LRRC14: variants seen among roughly 807,000 people sequenced by gnomAD.
LRRC14 encodes leucine rich repeat containing 14, also known as leucine-rich repeat-containing protein 14.
LRRC14 carries 16 observed loss-of-function variants against 25.3 expected under a neutral mutation model. The ratio of observed to expected loss-of-function variants is 0.63; its 90% confidence interval spans 0.43 to 0.96. The LOEUF (loss-of-function observed/expected upper bound fraction) is 0.96. Ranked by LOEUF, LRRC14 falls within the 40% of genes least tolerant of loss-of-function variation. The pLI, the probability that LRRC14 is intolerant of heterozygous loss-of-function variation, is 0.00. For missense variants in LRRC14, 594 were observed against 660.5 expected, an observed-to-expected ratio of 0.90 and a Z score of 1.10; for synonymous variants, 359 against 295.1, an observed-to-expected ratio of 1.22 and a Z score of -2.22.
Position 144,524,555 on chromosome 8 carries a change from G to C in LRRC14, c.*3077G>C. On this transcript the variant is annotated 3_prime_UTR_variant, in exon 4 of 4. Coordinates refer to ENST00000292524, the MANE Select transcript of LRRC14 (RefSeq NM_014665.4). ...CGCCGCTGCGCAAGCCGCGCAGCCG[G>C]TTGCTAGTGAGCGCCAGCTCCAGCA... is the stretch of plus-strand genomic sequence containing the variant. 5 of 1,576,022 alleles carry C rather than the reference G, an allele frequency of 3.2e-6. No individual in the cohort carries two copies. The highest frequency in any genetic ancestry group is 3.4e-6 in the Non-Finnish European group (4 of 1,169,398).
Position 144,521,324 on chromosome 8 carries a change from C to T in LRRC14, c.1328C>T (p.Pro443Leu). Residue 443 changes from proline to leucine, a missense_variant, in exon 4 of 4, where the codon CCT becomes CTT. Coordinates refer to ENST00000292524, the MANE Select transcript of LRRC14 (RefSeq NM_014665.4). The stretch of plus-strand genomic sequence containing the variant: ...TATGAGGGCTTGCCCTGGCCGCCGC[C>T]TGCCTCTGTCCTGCTGGAGGCCTCC... ...DCYEGLPWPP[P>L]ASVLLEASIN... The T allele has an allele frequency of 6.2e-7, 1 of 1,613,112 alleles. No individual in the cohort carries two copies. Among genetic ancestry groups the T allele is most frequent in the Non-Finnish European group, 8.5e-7 (1 of 1,180,010 alleles).
Position 144,521,016 on chromosome 8 carries a change from G to A in LRRC14, c.1020G>A (p.Lys340=), listed in dbSNP as rs780920329. Residue 340 remains lysine, a synonymous_variant, in exon 4 of 4, where the codon AAG becomes AAA. Coordinates refer to ENST00000292524, the MANE Select transcript of LRRC14 (RefSeq NM_014665.4). ...GCCCACATGCTGCCCACCTCAAGAA[G>A]TTGGACCTGAGTGGTAACGACCTGT... The part of the protein sequence containing the change: ...ARSPHAAHLK[K]LDLSGNDLSG... 2.5e-6 allele frequency: 4 copies of A among 1,613,128 alleles called. No individual in the cohort carries two copies. The highest frequency in any genetic ancestry group is 1.7e-6 in the Non-Finnish European group (2 of 1,180,026).
Position 144,522,931 on chromosome 8 carries a change from G to T in LRRC14, c.*1453G>T. 1 of 1,529,782 alleles carries T rather than the reference G, an allele frequency of 6.5e-7. No homozygotes were observed. The highest frequency in any genetic ancestry group is 1.2e-5 in the South Asian group (1 of 83,230). The allele number at this position is 1,529,782 out of a possible 1,614,324, so 94.8% of individuals were successfully genotyped here. On this transcript the variant is annotated 3_prime_UTR_variant, in exon 4 of 4. Transcript: ENST00000292524. ...GCTGCGGCTGCTGCCGGGACGCGTT[G>T]ACCAGGAGCCGGAAGGGCACGCGGG...
chr8:144,519,756 C>T lies in LRRC14; in HGVS notation c.31C>T (p.Gln11Ter). ...CACGCTTGTGTTCTTGAGCACACGG[C>T]AGGTGCTGCAGTGCCAGCCAGCTGC... Reference protein sequence around the residue: MHTLVFLSTRQVLQCQPAACQ... With the variant: MHTLVFLSTR The change falls in exon 2 of 4, where the codon CAG (glutamine) becomes TAG (stop). Residue 11 changes from glutamine (Q) to a stop codon, truncating the protein, a stop_gained. Transcript: ENST00000292524. LOFTEE classifies it high-confidence loss of function. 1 of 1,612,672 alleles carries T rather than the reference C, an allele frequency of 6.2e-7. No individual in the cohort carries two copies. Among genetic ancestry groups the T allele is most frequent in the Non-Finnish European group, 8.5e-7 (1 of 1,179,940 alleles).
intron 1 of LRRC14, 26 bp downstream of exon 1, chr8:144,518,067 T>C (rs991976897): frequency 1.5e-4 from 30 of 194,410 alleles, no homozygotes; most frequent in Admixed American, 1.3e-3. Flanking sequence ...CGGGGGGGTG[T>C]CTGAGCGGGG....
At position 144,521,038 on chromosome 8, in the gene LRRC14, C is replaced by T; in HGVS notation, c.1042C>T (p.Leu348=). 1 of 1,613,094 alleles carries T rather than the reference C, an allele frequency of 6.2e-7. No homozygotes were observed. The highest frequency in any genetic ancestry group is 8.5e-7 in the Non-Finnish European group (1 of 1,180,040). Residue 348 remains leucine (L), a synonymous_variant, in exon 4 of 4, where the codon CTG becomes TTG. Coordinates refer to ENST00000292524, the MANE Select transcript of LRRC14 (RefSeq NM_014665.4). ...LKKLDLSGND[L]SGSQLAPFQG... ...GAAGTTGGACCTGAGTGGTAACGAC[C>T]TGTCTGGCAGCCAGCTGGCACCCTT...
At position 144,524,889 on chromosome 8, in the gene LRRC14, C is replaced by G; in HGVS notation, c.*3411C>G. 2 of 1,515,064 alleles carry G rather than the reference C, an allele frequency of 1.3e-6. No homozygotes were observed. The highest frequency in any genetic ancestry group is 1.8e-6 in the Non-Finnish European group (2 of 1,133,354). The allele number at this position is 1,515,064 out of a possible 1,614,324, so 93.9% of individuals were successfully genotyped here. A position where few individuals can be genotyped will look rare whatever the true frequency, so the allele number is the denominator to read the frequency against. ...GCCACACTCCACCGTGGCGCTGTAG[C>G]AGCGGCAGGCTGCTGGGCAGCCGGC... On this transcript the variant is annotated 3_prime_UTR_variant, in exon 4 of 4. Coordinates refer to ENST00000292524, the MANE Select transcript of LRRC14 (RefSeq NM_014665.4).
chr8:144,521,046 C>T lies in LRRC14; in HGVS notation c.1050C>T (p.Gly350=), dbSNP rs1356900167. ...KLDLSGNDLS[G]SQLAPFQGLL... The stretch of plus-strand genomic sequence containing the variant: ...ACCTGAGTGGTAACGACCTGTCTGG[C>T]AGCCAGCTGGCACCCTTCCAGGGTC... The change falls in exon 4 of 4, where the codon GGC becomes GGT. Residue 350 remains glycine (G), a synonymous_variant. Coordinates refer to ENST00000292524, the MANE Select transcript of LRRC14 (RefSeq NM_014665.4). 1 of 1,613,070 alleles carries T rather than the reference C, an allele frequency of 6.2e-7. No individual in the cohort carries two copies. The highest frequency in any genetic ancestry group is 2.2e-5 in the East Asian group (1 of 44,892).
In LRRC14 at chr8:144,524,605, C is replaced by A; in HGVS notation, c.*3127C>A. ...AGGCGCGGCTGCGCGCGGAAGGCGC[C>A]GGCCTCCAGGGCGCGCAGGCTGTTG... is the stretch of plus-strand genomic sequence containing the variant. On this transcript the variant is annotated 3_prime_UTR_variant, in exon 4 of 4. Coordinates refer to ENST00000292524, the MANE Select transcript of LRRC14 (RefSeq NM_014665.4). 6.5e-7 allele frequency: 1 copy of A among 1,526,880 alleles called. No individual in the cohort carries two copies. Among genetic ancestry groups the A allele is most frequent in the Non-Finnish European group, 8.7e-7 (1 of 1,145,744 alleles). The allele number at this position is 1,526,880 out of a possible 1,614,324, so 94.6% of individuals were successfully genotyped here. A position where few individuals can be genotyped will look rare whatever the true frequency, so the allele number is the denominator to read the frequency against.
In LRRC14 at chr8:144,523,353, C is replaced by T; in HGVS notation, c.*1875C>T. The T allele has an allele frequency of 6.3e-7, 1 of 1,581,362 alleles. No homozygotes were observed. The highest frequency in any genetic ancestry group is 8.6e-7 in the Non-Finnish European group (1 of 1,160,442). ...CTGGAGGTGAGCAGCCGCTGGCCGC[C>T]CTCCTTGATCCAGGCACCCAGCCAG... On this transcript the variant is annotated 3_prime_UTR_variant, in exon 4 of 4. Transcript: ENST00000292524.
Position 144,524,539 on chromosome 8 carries a change from G to A in LRRC14, c.*3061G>A. ...GCCAGGCCTACGAAGGCGCCGCTGC[G>A]CAAGCCGCGCAGCCGGTTGCTAGTG... On this transcript the variant is annotated 3_prime_UTR_variant, in exon 4 of 4. Coordinates refer to ENST00000292524, the MANE Select transcript of LRRC14 (RefSeq NM_014665.4). 2 of 1,582,048 alleles carry A rather than the reference G, an allele frequency of 1.3e-6. No individual in the cohort carries two copies. The highest frequency in any genetic ancestry group is 2.3e-5 in the East Asian group (1 of 44,104).
chr8:144,522,382 GCA>G lies in LRRC14; in HGVS notation c.*908_*909del, dbSNP rs1355923614. On this transcript the variant is annotated 3_prime_UTR_variant, in exon 4 of 4. Transcript: ENST00000292524. ...GCTCGCGCCCCACACACGGCTCAGC[GCA>G]CACTGCGCGGCTTCCACCTTTACTG... The G allele has an allele frequency of 2.9e-6, 4 of 1,359,162 alleles. No homozygotes were observed. Among genetic ancestry groups the G allele is most frequent in the Non-Finnish European group, 3.8e-6 (4 of 1,062,144 alleles). 84.2% of individuals were successfully genotyped at this position (1,359,162 alleles called of 1,614,324 possible). A position where few individuals can be genotyped will look rare whatever the true frequency, so the allele number is the denominator to read the frequency against.
chr8:144,523,993 G>T lies in LRRC14; in HGVS notation c.*2515G>T. The stretch of plus-strand genomic sequence containing the variant: ...CCCTCCAGTGTGGCTGCAGGCGGTG[G>T]TGCAGCCTTCCAGACTGCTGCCCAG... On this transcript the variant is annotated 3_prime_UTR_variant, in exon 4 of 4. Transcript: ENST00000292524. The T allele has an allele frequency of 8.2e-7, 1 of 1,221,468 alleles. No individual in the cohort carries two copies. Among genetic ancestry groups the T allele is most frequent in the Non-Finnish European group, 1.1e-6 (1 of 871,520 alleles). The allele number at this position is 1,221,468 out of a possible 1,614,324, so 75.7% of individuals were successfully genotyped here.
In LRRC14 at chr8:144,524,097, G is replaced by T. The variant is rs747462589; in HGVS notation, c.*2619G>T. On this transcript the variant is annotated 3_prime_UTR_variant, in exon 4 of 4. Coordinates refer to ENST00000292524, the MANE Select transcript of LRRC14 (RefSeq NM_014665.4). Reference sequence around the variant, plus strand: ...CGTGGCCCAGACAGAGACGCTTTCCGAGGAAGAGGTACCTGTGAGGCGCAG... The same window carrying T: ...CGTGGCCCAGACAGAGACGCTTTCCTAGGAAGAGGTACCTGTGAGGCGCAG... 82 of 1,591,984 alleles carry T rather than the reference G, an allele frequency of 5.2e-5. 1 individual carries two copies. The East Asian group carries it at 1.8e-3, about 36-fold the overall frequency.
At position 144,524,393 on chromosome 8, in the gene LRRC14, G is replaced by A; in HGVS notation, c.*2915G>A. The A allele has an allele frequency of 6.3e-7, 1 of 1,594,016 alleles. No homozygotes were observed. The highest frequency in any genetic ancestry group is 2.2e-5 in the East Asian group (1 of 44,758). On this transcript the variant is annotated 3_prime_UTR_variant, in exon 4 of 4. Coordinates refer to ENST00000292524, the MANE Select transcript of LRRC14 (RefSeq NM_014665.4). ...TCTAACTATTCCAGCCCTACAGGGC[G>A]AGGGGCCATAATGGAGTATCCCGCC...
At position 144,524,926 on chromosome 8, in the gene LRRC14, G is replaced by T; in HGVS notation, c.*3448G>T. ...GCTGGGCAGCCGGCGGCGCGGAGCG[G>T]CAGTAGTAGCAGCAGCAGCGGCAGC... On this transcript the variant is annotated 3_prime_UTR_variant, in exon 4 of 4. Transcript: ENST00000292524. The T allele has an allele frequency of 6.6e-7, 1 of 1,511,984 alleles. No individual in the cohort carries two copies. Among genetic ancestry groups the T allele is most frequent in the Non-Finnish European group, 8.8e-7 (1 of 1,131,468 alleles). 93.7% of individuals were successfully genotyped at this position (1,511,984 alleles called of 1,614,324 possible). A position where few individuals can be genotyped will look rare whatever the true frequency, so the allele number is the denominator to read the frequency against.
In LRRC14 at chr8:144,523,234, A is replaced by G; in HGVS notation, c.*1756A>G. The stretch of plus-strand genomic sequence containing the variant: ...TGAGCTCCAGCGGCTGCACGTGGAC[A>G]GAGGGCGGAATGCAGATGAGGCTGC... On this transcript the variant is annotated 3_prime_UTR_variant, in exon 4 of 4. Coordinates refer to ENST00000292524, the MANE Select transcript of LRRC14 (RefSeq NM_014665.4). The G allele has an allele frequency of 6.2e-7, 1 of 1,610,304 alleles. No homozygotes were observed. Among genetic ancestry groups the G allele is most frequent in the Non-Finnish European group, 8.5e-7 (1 of 1,178,906 alleles).
chr8:144,524,945 C>G lies in LRRC14; in HGVS notation c.*3467C>G, dbSNP rs933801270. 5 of 1,505,530 alleles carry G rather than the reference C, an allele frequency of 3.3e-6. No individual in the cohort carries two copies. The South Asian group carries it at 6.1e-5, about 18-fold the overall frequency. 93.3% of individuals were successfully genotyped at this position (1,505,530 alleles called of 1,614,324 possible). On this transcript the variant is annotated 3_prime_UTR_variant, in exon 4 of 4. Coordinates refer to ENST00000292524, the MANE Select transcript of LRRC14 (RefSeq NM_014665.4). Reference sequence around the variant, plus strand: ...GGAGCGGCAGTAGTAGCAGCAGCAGCGGCAGCAGTGCGGGGGCCCTCAGGG... The same window carrying G: ...GGAGCGGCAGTAGTAGCAGCAGCAGGGGCAGCAGTGCGGGGGCCCTCAGGG...
At position 144,521,673 on chromosome 8, in the gene LRRC14, C is replaced by T. The variant is rs1816072196; in HGVS notation, c.*195C>T. 1.3e-5 allele frequency: 8 copies of T among 603,132 alleles called. No homozygotes were observed. The South Asian group carries it at 1.7e-4, about 13-fold the overall frequency. The allele number at this position is 603,132 out of a possible 1,614,324, so 37.4% of individuals were successfully genotyped here. Reference sequence around the variant, plus strand: ...CCACGCGGTTTTCCCTGCACTTGCTCCATAATTGGCTGATCATCTGTGGGC... The same window carrying T: ...CCACGCGGTTTTCCCTGCACTTGCTTCATAATTGGCTGATCATCTGTGGGC... On this transcript the variant is annotated 3_prime_UTR_variant, in exon 4 of 4. Transcript: ENST00000292524.
Sources: allele counts gnomAD v4.1 joint callset, GRCh38; gene constraint gnomAD v4.1.1; transcripts MANE v1.5; gene names NCBI Gene and HGNC (gene_info 2026-07-23, HGNC 2026-07-21).